XKRX: variants seen among roughly 807,000 people sequenced by gnomAD.
XKRX encodes the protein XK related X-linked.
XKRX carries 11 observed loss-of-function variants against 22.4 expected under a neutral mutation model. The observed-to-expected ratio is 0.49, with a 90% CI of 0.31 to 0.81. The LOEUF (loss-of-function observed/expected upper bound fraction) is 0.81, where lower values mean the gene tolerates loss of function less well. Ranked by LOEUF, XKRX falls within the 40% of genes least tolerant of loss-of-function variation. The probability of loss-of-function intolerance (pLI) is 0.05; values close to 1 mark genes in which losing one functional copy is unlikely to be tolerated. For missense variants in XKRX, 320 were observed against 336.5 expected (o/e 0.95, Z 0.38); for synonymous variants, 114 against 132.2 (o/e 0.86, Z 0.94).
chrX:100,904,848 G>A, the XKRX span, among the ~76,000 whole-genome samples: 1 of 112,332 alleles, frequency 8.9e-6, no homozygotes, highest in Admixed American at 9.5e-5. Flanking sequence ...GGTCAGGAAA[G>A]GAAGAAGGGC....
chrX:100,927,875 G>A, intron 1 of XKRX, 95 bp downstream of exon 1: 2 of 1,026,290 alleles, frequency 1.9e-6, no homozygotes, highest in Non-Finnish European at 2.6e-6. Flanking sequence ...GAATTGATTA[G>A]AGCCATAGTA....
chrX:100,900,499 C>A, the XKRX span, among the ~76,000 whole-genome samples: 1 of 110,463 alleles, frequency 9.1e-6, no homozygotes, highest in South Asian at 4.0e-4. Context: ...TATTTGATAT[C>A]ATTTTAAGAA....
At chrX:100,927,160 G>A (rs934208916) in intron 1 of XKRX, among the ~76,000 whole-genome samples, 4 of 110,311 alleles carry the variant, frequency 3.6e-5, no homozygotes, top group African/African-American at 1.3e-4. Context: ...TCTACATAAC[G>A]AGATCCCGTC....
the XKRX span, among the ~76,000 whole-genome samples, chrX:100,898,678 T>A: frequency 9.1e-6 from 1 of 109,974 alleles, no homozygotes; most frequent in Non-Finnish European, 1.9e-5. Flanking sequence ...ACCTTAAGCT[T>A]TCATGGGTGG....
At chrX:100,888,318 T>C in the XKRX span, 1 of 697,246 alleles carries the variant, frequency 1.4e-6, no homozygotes, top group Non-Finnish European at 2.3e-6. Context: ...TAATCTTCTC[T>C]TGAGACAGTT....
At chrX:100,918,970 T>G (rs768103050) in intron 2 of XKRX, among the ~76,000 whole-genome samples, 26 of 111,634 alleles carry the variant, frequency 2.3e-4, no homozygotes, top group Admixed American at 3.9e-4. Context: ...AAAGTAAGCC[T>G]TATAAAAATG....
the XKRX span, among the ~76,000 whole-genome samples, chrX:100,949,735 T>C: frequency 9.0e-6 from 1 of 111,494 alleles, no homozygotes; most frequent in African/African-American, 3.3e-5. Context: ...AAATCACTTA[T>C]ACCAAGAATC....
rs183049476 is a variant in XKRX, at chrX:100,923,925, C to T, written c.336-864G>A. Among the ~76,000 whole-genome samples, 702 of 105,318 alleles carry T rather than the reference C, an allele frequency of 6.7e-3. 7 individuals are homozygous for T. Among genetic ancestry groups the T allele is most frequent in the African/African-American group, 0.023 (670 of 28,718 alleles). 91.5% of individuals were successfully genotyped at this position (105,318 alleles called of 115,157 possible). A position where few individuals can be genotyped will look rare whatever the true frequency, so the allele number is the denominator to read the frequency against. ...GATCTCAGCTCACTGTAACCTCTGC[C>T]TCCTGGGTTCAAGCGATTCTCCTGC... On this transcript the variant is annotated intron_variant, in intron 1 of 2. Coordinates refer to ENST00000372956, the MANE Select transcript of XKRX (RefSeq NM_212559.3).
At chrX:100,899,418 G>T in the XKRX span, among the ~76,000 whole-genome samples, 1 of 112,301 alleles carries the variant, frequency 8.9e-6, no homozygotes, top group Non-Finnish European at 1.9e-5. Context: ...GAGAGGTTGA[G>T]GGGGGAGGAT....
At chrX:100,904,520 C>T in the XKRX span, among the ~76,000 whole-genome samples, 1 of 112,267 alleles carries the variant, frequency 8.9e-6, no homozygotes, top group Non-Finnish European at 1.9e-5. Flanking sequence ...AATTAAAAAG[C>T]TTTCAACTTC....
At chrX:100,900,666 G>A in the XKRX span, among the ~76,000 whole-genome samples, 1 of 108,692 alleles carries the variant, frequency 9.2e-6, no homozygotes, top group Non-Finnish European at 1.9e-5. Flanking sequence ...AAAAAAGAAT[G>A]TATGTCCTAC....
the XKRX span, among the ~76,000 whole-genome samples, chrX:100,900,941 C>T: frequency 8.3e-5 from 9 of 108,805 alleles, no homozygotes; most frequent in Admixed American, 2.0e-4. Context: ...AGGAGCCCAC[C>T]ACCACGCCTG....
chrX:100,943,859 T>C, the XKRX span, among the ~76,000 whole-genome samples: 1 of 112,305 alleles, frequency 8.9e-6, no homozygotes, highest in East Asian at 2.8e-4. Context: ...TTTTCGTTTC[T>C]TACTGTCTCA....
Position 100,928,357 on chromosome X carries a change from C to T in XKRX, c.-53G>A, listed in dbSNP as rs2085507251. ...TCTTGTGTTCATAGCACCCTCCCACCCATCCCCAAGAGAACCCTATGGCCG... is the reference window on the plus strand; with the variant it reads ...TCTTGTGTTCATAGCACCCTCCCACTCATCCCCAAGAGAACCCTATGGCCG... On this transcript the variant is annotated 5_prime_UTR_variant, in exon 1 of 3. Coordinates refer to ENST00000372956, the MANE Select transcript of XKRX (RefSeq NM_212559.3). 1 of 1,178,631 alleles carries T rather than the reference C, an allele frequency of 8.5e-7. No individual in the cohort carries two copies. The highest frequency in any genetic ancestry group is 2.0e-5 in the South Asian group (1 of 50,374).
At chrX:100,956,616 CTT>C in the XKRX span, 1 of 522,037 alleles carries the variant, frequency 1.9e-6, no homozygotes, top group East Asian at 3.6e-5. Flanking sequence ...AGTATGAACT[CTT>C]TTTTAAGAAA....
chrX:100,892,626 G>A, the XKRX span, among the ~76,000 whole-genome samples: 1 of 112,651 alleles, frequency 8.9e-6, no homozygotes, highest in Non-Finnish European at 1.9e-5. Flanking sequence ...ACCACAATGA[G>A]GTATCACCTC....
At chrX:100,956,952 G>C in the XKRX span, 3 of 1,030,130 alleles carry the variant, frequency 2.9e-6, no homozygotes, top group African/African-American at 5.6e-5. Context: ...TCGTGGATGA[G>C]GACTAAATGT....
the XKRX span, among the ~76,000 whole-genome samples, chrX:100,898,104 A>T: frequency 8.9e-6 from 1 of 111,941 alleles, no homozygotes; most frequent in Admixed American, 9.5e-5. Flanking sequence ...AACTGTCAGA[A>T]GCAACTTTCA....
downstream of XKRX, among the ~76,000 whole-genome samples, chrX:100,910,521 G>T (rs1569453423): frequency 9.3e-6 from 1 of 108,027 alleles, no homozygotes; most frequent in Non-Finnish European, 1.9e-5. Flanking sequence ...GGAGGTGGAG[G>T]TTGCGGTGAG....
Sources: gnomAD v4.1 joint callset for allele counts (sites outside exome capture counted in the v4.1 genomes callset) on GRCh38, gnomAD v4.1.1 for gene constraint, MANE v1.5 for transcripts, NCBI Gene and HGNC (gene_info 2026-07-23, HGNC 2026-07-21) for gene names.